Variants in TMOD4 observed in about 807,000 individuals in gnomAD.
TMOD4 encodes the protein tropomodulin-4.
A neutral mutation model predicts 45.4 loss-of-function variants in TMOD4; 34 were observed. The ratio of observed to expected loss-of-function variants is 0.75; its 90% CI spans 0.57 to 1.00. TMOD4 has a LOEUF of 1.00. Among genes scored for constraint, TMOD4 ranks in the 50% least tolerant of loss-of-function variants. TMOD4 has a pLI of 0.00. For synonymous variants in TMOD4, 131 were observed against 153.9 expected (o/e 0.85, Z 1.10); for missense variants, 399 against 437.5 (o/e 0.91, Z 0.78).
chr1:151,174,318 CTG>C, intron 3 of TMOD4, 71 bp downstream of exon 3: 13 of 1,538,074 alleles, frequency 8.5e-6, no homozygotes, highest in Non-Finnish European at 1.2e-5. Context: ...GAGAGGGAAA[CTG>C]GAGTGGGGAC....
Position 151,172,348 on chromosome 1 carries a change from TC to T in TMOD4, c.406del (p.Asp136ThrfsTer5). On this transcript the variant is annotated frameshift_variant, in exon 5 of 10. Transcript: ENST00000295314. LOFTEE classifies it high-confidence loss of function. ...AEMCDIAAIL[D>X]MYTLMSNKQY... ...CTTGTTACTCATCAGTGTGTACATGTCCAGAATTGCTGGAGAGGGTAAGAAG... is the reference window on the plus strand; with the variant it reads ...CTTGTTACTCATCAGTGTGTACATGTCAGAATTGCTGGAGAGGGTAAGAAG... 2 of 1,613,308 alleles carry T rather than the reference TC, an allele frequency of 1.2e-6. No individual in the cohort carries two copies. The highest frequency in any genetic ancestry group is 1.7e-6 in the Non-Finnish European group (2 of 1,179,396).
At chr1:151,173,723 C>T in intron 3 of TMOD4, 108 bp from the exon 4 acceptor site, 1 of 800,240 alleles carries the variant, frequency 1.2e-6, no homozygotes, top group Non-Finnish European at 2.1e-6. Context: ...CACGAAGGGA[C>T]ACTGGAAAGC....
At chr1:151,174,348 G>A (rs1684040936) in intron 3 of TMOD4, 43 bp downstream of exon 3, 9 of 1,597,624 alleles carry the variant, frequency 5.6e-6, no homozygotes, top group Non-Finnish European at 6.0e-6. Flanking sequence ...AGACAGCACA[G>A]CCACTTGGGT....
rs756311115 is a variant in TMOD4 at position 151,174,436 on chromosome 1, C to T, written c.235G>A (p.Val79Ile). ...LQYLEQQALE[V>I]KERDDLVPFT... ...GGCACCAAGTCATCACGCTCTTTGA[C>T]TTCTAGTGCCTGTTGCTCCAAGTAC... Residue 79 changes from valine to isoleucine, a missense_variant, in exon 3 of 10, where the codon GTC becomes ATC. Transcript: ENST00000295314. 7.4e-6 allele frequency: 12 copies of T among 1,614,052 alleles called. No individual in the cohort carries two copies. The highest frequency in any genetic ancestry group is 1.0e-5 in the Non-Finnish European group (12 of 1,180,038).
rs748931767 is a variant in TMOD4 at position 151,174,772 on chromosome 1, A to C, written c.104T>G (p.Leu35Arg). The stretch of plus-strand genomic sequence containing the variant: ...CCCTACCTCAGGATCCATCTCCTGT[A>C]GTTCGCAGTCCAGCTGCTCTAGCTC... The part of the protein sequence containing the change: ...PEELEQLDCE[L>R]QEMDPENMLL... The change falls in exon 2 of 10, where the codon CTA (leucine) becomes CGA (arginine). Residue 35 changes from leucine (L) to arginine (R), a missense_variant. Physicochemically the swap from Leu to Arg is moderately radical, Grantham distance 102 (BLOSUM62 -2). Coordinates refer to ENST00000295314, the MANE Select transcript of TMOD4 (RefSeq NM_013353.3). The C allele has an allele frequency of 6.8e-6, 11 of 1,613,970 alleles. No homozygotes were observed. Among genetic ancestry groups the C allele is most frequent in the Non-Finnish European group, 9.3e-6 (11 of 1,180,018 alleles).
At chr1:151,173,429 T>G in intron 4 of TMOD4, 70 bp downstream of exon 4, 2 of 1,163,808 alleles carry the variant, frequency 1.7e-6, no homozygotes, top group Non-Finnish European at 2.6e-6. Context: ...CCTTCCTCAC[T>G]AGTCCCATGT....
Position 151,173,884 on chromosome 1 carries a change from C to T in TMOD4, c.281-269G>A, listed in dbSNP as rs587622087. ...ATGAGGTCAGGAGATCGAGACCATC[C>T]TGGCTAACATGGTGAAACCCCATCT... is the stretch of plus-strand genomic sequence containing the variant. On this transcript the variant is annotated intron_variant, in intron 3 of 9. Coordinates refer to ENST00000295314, the MANE Select transcript of TMOD4 (RefSeq NM_013353.3). Among the ~76,000 whole-genome samples, 7 of 152,184 alleles carry T rather than the reference C, an allele frequency of 4.6e-5. No homozygotes were observed. The East Asian group carries it at 1.4e-3, about 29-fold the overall frequency.
Position 151,171,439 on chromosome 1 carries a change from A to C in TMOD4, c.720T>G (p.Ile240Met). ...SLVATRSGDP[I>M]ANAVADMLRE... is the part of the protein sequence containing the mutation. ...GGATGTCAACTAGCCTTACATTGGC[A>C]ATGGGGTCACCACTCCTCGTGGCTA... Residue 240 changes from isoleucine (I) to methionine (M), a missense_variant, in exon 7 of 10, where the codon ATT becomes ATG. By Grantham distance (10) the Ile-to-Met change is conservative. Transcript: ENST00000295314. The C allele has an allele frequency of 6.2e-7, 1 of 1,613,996 alleles. No homozygotes were observed. The highest frequency in any genetic ancestry group is 1.1e-5 in the South Asian group (1 of 91,064).
intron 9 of TMOD4, 69 bp from the exon 10 acceptor site, chr1:151,170,172 C>T: frequency 6.3e-7 from 1 of 1,582,122 alleles, no homozygotes; most frequent in Non-Finnish European, 8.7e-7. Flanking sequence ...CACTCTTCTC[C>T]TTTCCAGTCC....
In TMOD4 at chr1:151,171,751, G is replaced by A; in HGVS notation, c.500C>T (p.Pro167Leu). 6.2e-7 allele frequency: 1 copy of A among 1,613,980 alleles called. No homozygotes were observed. The highest frequency in any genetic ancestry group is 8.5e-7 in the Non-Finnish European group (1 of 1,179,994). Residue 167 changes from proline to leucine, a missense_variant, in exon 6 of 10, where the codon CCT becomes CTT. Transcript: ENST00000295314. ...NTEGISSVVQPDKYKPVPDEP... is the reference protein window; with the variant it reads ...NTEGISSVVQLDKYKPVPDEP... The stretch of plus-strand genomic sequence containing the variant: ...ATCCGGCACTGGCTTATACTTGTCA[G>A]GCTGTACCACACCTGGTGAATGAGG...
rs780659536 is a variant in TMOD4, at chr1:151,170,635, A to G, written c.899T>C (p.Met300Thr). The change falls in exon 9 of 10, where the codon ATG becomes ACG. Residue 300 changes from methionine (M) to threonine (T), a missense_variant. Coordinates refer to ENST00000295314, the MANE Select transcript of TMOD4 (RefSeq NM_013353.3). ...CTGCTCTAGCACGGTGGCCATCTCC[A>G]TCTCCACTGCATCACCAGGCCACTG... ...QRQWPGDAVE[M>T]EMATVLEQCP... is the part of the protein sequence containing the mutation. 4 of 1,614,160 alleles carry G rather than the reference A, an allele frequency of 2.5e-6. No homozygotes were observed. The highest frequency in any genetic ancestry group is 1.1e-5 in the South Asian group (1 of 91,082).
Position 151,170,536 on chromosome 1 carries a change from G to A in TMOD4, c.998C>T (p.Thr333Ile). The A allele has an allele frequency of 6.2e-7, 1 of 1,614,200 alleles. No homozygotes were observed. Among genetic ancestry groups the A allele is most frequent in the African/African-American group, 1.3e-5 (1 of 75,048 alleles). Reference protein sequence around the residue: ...GPRARAAQAMTRNNELRRQQK... With the variant: ...GPRARAAQAMIRNNELRRQQK... ...TTACTCACGTAGTTCATTGTTTCGG[G>A]TCATGGCCTGGGCTGCCCGAGCTCG... is the stretch of plus-strand genomic sequence containing the variant. Residue 333 changes from threonine to isoleucine, a missense_variant, in exon 9 of 10, where the codon ACC (threonine) becomes ATC (isoleucine). Physicochemically the swap from Thr to Ile is moderately conservative, Grantham distance 89 (BLOSUM62 -1). Transcript: ENST00000295314.
In TMOD4 at chr1:151,174,391, CCTT is replaced by C. The variant is rs758487777; in HGVS notation, c.277_279del (p.Lys93del). 36 of 1,613,954 alleles carry C rather than the reference CCTT, an allele frequency of 2.2e-5. No individual in the cohort carries two copies. Among genetic ancestry groups the C allele is most frequent in the Non-Finnish European group, 2.7e-5 (32 of 1,179,896 alleles). Reference sequence around the variant, plus strand: ...GGCATGGATGTCAGGGTCCCCATACCCTTCTTCTCGCCTGTGAAGGGCACCAAG... The same window carrying C: ...GGCATGGATGTCAGGGTCCCCATACCCTTCTCGCCTGTGAAGGGCACCAAG... On this transcript the variant is annotated inframe_deletion and splice_region_variant, in exon 3 of 10. Transcript: ENST00000295314.
rs1683925937 is a variant in TMOD4 at position 151,170,722 on chromosome 1, C to T, written c.871-59G>A. ...CCTCTCTGGGCTGTTTACCATCCCA[C>T]ATCACAGACCCCTTTGGGAGGTCAA... is the stretch of plus-strand genomic sequence containing the variant. On this transcript the variant is annotated intron_variant, in intron 8 of 9. Coordinates refer to ENST00000295314, the MANE Select transcript of TMOD4 (RefSeq NM_013353.3). The T allele has an allele frequency of 3.8e-6, 6 of 1,599,440 alleles. No individual in the cohort carries two copies. In the South Asian group the frequency reaches 4.4e-5, roughly 12 times the overall value.
intron 2 of TMOD4, 84 bp from the exon 3 acceptor site, chr1:151,174,631 C>A: frequency 6.3e-7 from 1 of 1,594,608 alleles, no homozygotes; most frequent in Non-Finnish European, 8.5e-7. Context: ...CACCGGACAC[C>A]TTTCCCCTGG....
At chr1:151,170,281 C>T (rs909761476) in intron 9 of TMOD4, 178 bp from the exon 10 acceptor site, 22 of 849,660 alleles carry the variant, frequency 2.6e-5, no homozygotes, top group Middle Eastern at 4.6e-4. Flanking sequence ...AATAAAATTA[C>T]GATACCTCTA....
In TMOD4 at chr1:151,172,270, C is replaced by G. The variant is rs115496308; in HGVS notation, c.485G>C (p.Ser162Thr). ...CCATGCTCCCCAAACACACTCACTGCTAATGCCTTCAGTGTTGCAGATTTC... is the reference window on the plus strand; with the variant it reads ...CCATGCTCCCCAAACACACTCACTGGTAATGCCTTCAGTGTTGCAGATTTC... ...SGEICNTEGI[S>T]SVVQPDKYKP... The change falls in exon 5 of 10, where the codon AGC becomes ACC. Residue 162 changes from serine to threonine, a missense_variant and splice_region_variant. Physicochemically the swap from Ser to Thr is moderately conservative, Grantham distance 58. Coordinates refer to ENST00000295314, the MANE Select transcript of TMOD4 (RefSeq NM_013353.3). The G allele has an allele frequency of 1.9e-3, 3,085 of 1,612,754 alleles. 68 individuals carry two copies. In the African/African-American group the frequency reaches 0.037, roughly 19 times the overall value.
chr1:151,170,988 C>T lies in TMOD4; in HGVS notation c.802G>A (p.Gly268Arg). 1 of 1,614,168 alleles carries T rather than the reference C, an allele frequency of 6.2e-7. No individual in the cohort carries two copies. The highest frequency in any genetic ancestry group is 8.5e-7 in the Non-Finnish European group (1 of 1,180,038). Residue 268 changes from glycine (G) to arginine (R), a missense_variant, in exon 8 of 10, where the codon GGA (glycine) becomes AGA (arginine). Gly to Arg is a moderately radical substitution (Grantham distance 125). Coordinates refer to ENST00000295314, the MANE Select transcript of TMOD4 (RefSeq NM_013353.3). ...ACTGCCTTCAGCACAGCCATGAGTC[C>T]TGTGCTGCTAATGAAGTTGGATTCG... ...NIESNFISST[G>R]LMAVLKAVRE...
intron 1 of TMOD4, 79 bp from the exon 2 acceptor site, chr1:151,174,996 G>T: frequency 8.6e-7 from 1 of 1,156,154 alleles, no homozygotes; most frequent in Non-Finnish European, 1.2e-6. Flanking sequence ...ACCAGCCAGG[G>T]GGGCAGAACA....
Sources: allele counts gnomAD v4.1 joint callset (sites outside exome capture counted in the v4.1 genomes callset), GRCh38; gene constraint gnomAD v4.1.1; transcripts MANE v1.5; gene names NCBI Gene and HGNC (gene_info 2026-07-23, HGNC 2026-07-21).